Variants in MYO19 observed in about 807,000 individuals in gnomAD.
The protein encoded by MYO19 is myosin XIX, also known as unconventional myosin-XIX.
MYO19 carries 132 observed loss-of-function variants against 129.2 expected under a neutral mutation model. The ratio of observed to expected loss-of-function variants is 1.02; its 90% CI spans 0.89 to 1.18. The LOEUF is 1.18. Ranked by LOEUF, MYO19 falls within the 50% of genes most tolerant of loss-of-function variation. The pLI, the probability that MYO19 is intolerant of heterozygous loss-of-function variation, is 0.00. For missense variants in MYO19, 1,210 were observed against 1,216.7 expected, an observed-to-expected ratio of 0.99 and a Z score of 0.08; for synonymous variants, 531 against 477.2, an observed-to-expected ratio of 1.11 and a Z score of -1.47.
intron 6 of MYO19, among the ~76,000 whole-genome samples, chr17:36,516,795 T>C (rs145662410): frequency 1.3e-5 from 2 of 152,388 alleles, no homozygotes; most frequent in Non-Finnish European, 2.9e-5. Flanking sequence ...TGACCTTGTA[T>C]CCTATCACCT....
In MYO19 at chr17:36,495,907, T is replaced by C. The variant is rs1191026925; in HGVS notation, c.*344A>G. The C allele has an allele frequency of 3.3e-6, 4 of 1,200,642 alleles. No individual in the cohort carries two copies. Among genetic ancestry groups the C allele is most frequent in the African/African-American group, 3.1e-5 (2 of 63,690 alleles). The allele number at this position is 1,200,642 out of a possible 1,614,324, so 74.4% of individuals were successfully genotyped here. Reference sequence around the variant, plus strand: ...CAATTTTAGGCCAACTTTGGCTGTTTTCTTCCAAAAGTGCTTATGTGGAAT... The same window carrying C: ...CAATTTTAGGCCAACTTTGGCTGTTCTCTTCCAAAAGTGCTTATGTGGAAT... On this transcript the variant is annotated 3_prime_UTR_variant, in exon 26 of 26. Coordinates refer to ENST00000614623, the MANE Select transcript of MYO19 (RefSeq NM_001163735.2).
intron 1 of MYO19, among the ~76,000 whole-genome samples, chr17:36,534,391 G>A (rs1347969924): frequency 6.6e-6 from 1 of 152,162 alleles, no homozygotes; most frequent in East Asian, 1.9e-4. Flanking sequence ...TCCTTCCCAG[G>A]AAGGTGGACG....
intron 5 of MYO19, among the ~76,000 whole-genome samples, chr17:36,525,681 G>A (rs1451716044): frequency 6.6e-6 from 1 of 152,122 alleles, no homozygotes; most frequent in Non-Finnish European, 1.5e-5. Context: ...AAACTACTAA[G>A]AAGCCTGTCC....
intron 5 of MYO19, among the ~76,000 whole-genome samples, chr17:36,526,372 C>G (rs1490927073): frequency 6.6e-6 from 1 of 152,142 alleles, no homozygotes; most frequent in East Asian, 1.9e-4. Context: ...CCTCTTGCCC[C>G]CAAGACCTCC....
chr17:36,498,689 G>A, intron 24 of MYO19, 130 bp from the exon 25 acceptor site: 8 of 1,140,074 alleles, frequency 7.0e-6, no homozygotes, highest in Non-Finnish European at 9.7e-6. Context: ...CAAACAGCTG[G>A]CTGCCCTGAA....
rs1430057893 is a variant in MYO19, at chr17:36,504,907, A to G, written c.1905+390T>C. The G allele has an allele frequency of 1.1e-5, 3 of 265,214 alleles. No homozygotes were observed. In the Admixed American group the frequency reaches 1.5e-4, roughly 13 times the overall value. The allele number at this position is 265,214 out of a possible 1,614,324, so 16.4% of individuals were successfully genotyped here. A position where few individuals can be genotyped will look rare whatever the true frequency, so the allele number is the denominator to read the frequency against. On this transcript the variant is annotated intron_variant, in intron 19 of 25. Coordinates refer to ENST00000614623, the MANE Select transcript of MYO19 (RefSeq NM_001163735.2). ...CAGCCTGGGTGACAGAGTGAGGCTC[A>G]GTCTCAAAAAAAAAAAAAAAAAAGA... is the stretch of plus-strand genomic sequence containing the variant.
chr17:36,544,108 G>A (rs1376568263), upstream of MYO19, among the ~76,000 whole-genome samples: 1 of 152,208 alleles, frequency 6.6e-6, no homozygotes, highest in Non-Finnish European at 1.5e-5. Context: ...CTGCTTCCTC[G>A]GAGACGGCCA....
At chr17:36,513,262 C>A in intron 11 of MYO19, 167 bp downstream of exon 11, 1 of 1,479,446 alleles carries the variant, frequency 6.8e-7, no homozygotes, top group South Asian at 1.4e-5. Context: ...ACCACCTGGT[C>A]TCCAGACTCA....
At chr17:36,516,502 C>G (rs1364648674) in intron 6 of MYO19, among the ~76,000 whole-genome samples, 1 of 152,100 alleles carries the variant, frequency 6.6e-6, no homozygotes, top group African/African-American at 2.4e-5. Context: ...TCCCAAGTAG[C>G]TAGGATTACA....
At chr17:36,527,182 A>ATAAATAAAT (rs757742707) in intron 5 of MYO19, among the ~76,000 whole-genome samples, 2 of 151,936 alleles carry the variant, frequency 1.3e-5, no homozygotes, top group Non-Finnish European at 2.9e-5. Context: ...AAATAAATAA[A>ATAAATAAAT]TAAATAAATA....
intron 25 of MYO19, 199 bp downstream of exon 25, chr17:36,498,067 G>A: frequency 1.8e-6 from 1 of 562,146 alleles, no homozygotes; most frequent in African/African-American, 1.9e-5. Context: ...AAAGATAAAG[G>A]GCTCTGGAAG....
At chr17:36,536,775 G>A (rs137914667), upstream of MYO19, among the ~76,000 whole-genome samples, 3,057 of 152,162 alleles carry the variant, frequency 0.02, 93 homozygotes, top group East Asian at 0.094. Context: ...TCGGCCTCCC[G>A]AAGTGCTAGG....
At chr17:36,538,665 TATTA>T, upstream of MYO19, 2 of 1,396,436 alleles carry the variant, frequency 1.4e-6, no homozygotes, top group African/African-American at 1.4e-5. Flanking sequence ...TAATGAGGAA[TATTA>T]ATTGTAAAGA....
chr17:36,507,439 A>G lies in MYO19; in HGVS notation c.1427T>C (p.Ile476Thr), dbSNP rs902307360. ...GCAGATGCTGATGGGGCTTCCCTCA[A>G]TGAGATCCAAACAGGGCTGGTTGTC... ...YQDNQPCLDLIEGSPISICSL... is the reference protein window; with the variant it reads ...YQDNQPCLDLTEGSPISICSL... Residue 476 changes from isoleucine to threonine, a missense_variant, in exon 16 of 26, where the codon ATT becomes ACT. By Grantham distance (89) the Ile-to-Thr change is moderately conservative. Coordinates refer to ENST00000614623, the MANE Select transcript of MYO19 (RefSeq NM_001163735.2). 9 of 1,613,550 alleles carry G rather than the reference A, an allele frequency of 5.6e-6. No homozygotes were observed. The highest frequency in any genetic ancestry group is 2.7e-5 in the African/African-American group (2 of 74,870).
chr17:36,537,254 T>C (rs748068199), upstream of MYO19: 13 of 1,614,036 alleles, frequency 8.1e-6, no homozygotes, highest in South Asian at 5.5e-5. Flanking sequence ...CTTTTTCACC[T>C]ACCTGGAAAA....
chr17:36,527,451 ACATTGCTGG>A, intron 5 of MYO19, 91 bp downstream of exon 5: 1 of 1,357,876 alleles, frequency 7.4e-7, no homozygotes, highest in Non-Finnish European at 9.9e-7. Flanking sequence ...CTGAATGACC[ACATTGCTGG>A]TGAATAGATG....
rs76291834 is a variant in MYO19 at position 36,514,256 on chromosome 17, A to G, written c.720+190T>C. ...AGGTAAAACATACTCCCAGGCCACA[A>G]CTGTGCTGGGAGCCAAGGCGCAGTG... On this transcript the variant is annotated intron_variant, in intron 9 of 25. Coordinates refer to ENST00000614623, the MANE Select transcript of MYO19 (RefSeq NM_001163735.2). 1.5e-3 allele frequency among the ~76,000 whole-genome samples: 232 copies of G among 152,306 alleles called. 1 individual carries two copies. Among genetic ancestry groups the G allele is most frequent in the African/African-American group, 5.1e-3 (213 of 41,576 alleles).
Position 36,500,924 on chromosome 17 carries a change from C to T in MYO19, c.2283G>A (p.Leu761=). Residue 761 remains leucine (L), a synonymous_variant, in exon 23 of 26, where the codon CTG becomes CTA. Coordinates refer to ENST00000614623, the MANE Select transcript of MYO19 (RefSeq NM_001163735.2). The stretch of plus-strand genomic sequence containing the variant: ...CCTGGATGCAGCGGGCACACTGCTC[C>T]AGCACCCGGGCACGCCCACATTCCA... The part of the protein sequence containing the change: ...ELLECGRARV[L]EQCARCIQGG... The T allele has an allele frequency of 6.2e-7, 1 of 1,611,152 alleles. No individual in the cohort carries two copies. The highest frequency in any genetic ancestry group is 8.5e-7 in the Non-Finnish European group (1 of 1,179,086).
At chr17:36,537,667 A>AAT (rs878931826), upstream of MYO19, 1 of 1,614,114 alleles carries the variant, frequency 6.2e-7, no homozygotes, top group South Asian at 1.1e-5. Context: ...AGGAGGAGAA[A>AAT]ATATATGGAA....
Sources: gnomAD v4.1 joint callset for allele counts (sites outside exome capture counted in the v4.1 genomes callset) on GRCh38, gnomAD v4.1.1 for gene constraint, MANE v1.5 for transcripts, NCBI Gene and HGNC (gene_info 2026-07-23, HGNC 2026-07-21) for gene names.